DTNA: variants seen among roughly 807,000 people sequenced by gnomAD.
The protein encoded by DTNA is dystrobrevin alpha, also known as dystrophin-related protein 3.
A neutral mutation model predicts 100.7 loss-of-function variants in DTNA; 43 were observed. The ratio of observed to expected loss-of-function variants is 0.43; its 90% CI spans 0.33 to 0.55. DTNA has a LOEUF of 0.55. DTNA is among the 20% of genes least tolerant of loss of function. The pLI, the probability that DTNA is intolerant of heterozygous loss-of-function variation, is 0.04. For missense variants in DTNA, 798 were observed against 953.9 expected, an observed-to-expected ratio of 0.84 and a Z score of 2.15; for synonymous variants, 349 against 347.9, an observed-to-expected ratio of 1.00 and a Z score of -0.04.
At position 34,794,510 on chromosome 18, in the gene DTNA, T is replaced by C. The variant is rs34669760; in HGVS notation, c.362+260T>C. ...TATGTGCTGACCTTTAGTTATCTCA[T>C]CCCATGCTTCCTGGAAGCTGTGGAT... On this transcript the variant is annotated intron_variant, in intron 4 of 22. Transcript: ENST00000444659. Among the ~76,000 whole-genome samples the C allele has an allele frequency of 9.0e-3, 1,376 of 152,308 alleles. 11 individuals are homozygous for C. Among genetic ancestry groups the C allele is most frequent in the Non-Finnish European group, 0.015 (987 of 68,018 alleles).
At chr18:34,686,702 C>G (rs538471093) in intron 1 of DTNA, among the ~76,000 whole-genome samples, 2 of 152,142 alleles carry the variant, frequency 1.3e-5, no homozygotes, top group Admixed American at 6.5e-5. Context: ...GGAATTGTTT[C>G]AGAAGGAATG....
At chr18:34,670,802 C>T (rs1010153626) in intron 1 of DTNA, among the ~76,000 whole-genome samples, 5 of 152,174 alleles carry the variant, frequency 3.3e-5, no homozygotes, top group Admixed American at 1.3e-4. Context: ...CAGAGGGGTA[C>T]TCAGCCGTGT....
chr18:34,642,993 A>G (rs983522708), intron 1 of DTNA, among the ~76,000 whole-genome samples: 3 of 152,242 alleles, frequency 2.0e-5, no homozygotes, highest in Admixed American at 2.0e-4. Flanking sequence ...AATTCATGTG[A>G]GTAACTAGCA....
chr18:34,629,337 C>T (rs1259744178), intron 1 of DTNA, among the ~76,000 whole-genome samples: 5 of 152,204 alleles, frequency 3.3e-5, no homozygotes, highest in East Asian at 1.9e-4. Context: ...TCTGCCCTGA[C>T]GGAGTTTCCA....
intron 1 of DTNA, among the ~76,000 whole-genome samples, chr18:34,677,233 A>C (rs886866113): frequency 1.3e-5 from 2 of 152,202 alleles, no homozygotes; most frequent in Admixed American, 6.5e-5. Context: ...TTTATTAGTC[A>C]TAGATCCTGG....
chr18:34,802,070 G>T (rs902546848), intron 4 of DTNA, among the ~76,000 whole-genome samples: 1 of 152,202 alleles, frequency 6.6e-6, no homozygotes, highest in Non-Finnish European at 1.5e-5. Context: ...ATGGCAGTCA[G>T]AATTGCACAT....
intron 1 of DTNA, among the ~76,000 whole-genome samples, chr18:34,658,695 T>C (rs1036617121): frequency 6.6e-6 from 1 of 152,186 alleles, no homozygotes; most frequent in African/African-American, 2.4e-5. Context: ...GCCCAATATG[T>C]TATAATACTG....
chr18:34,876,687 C>G (rs1487521977), intron 18 of DTNA, among the ~76,000 whole-genome samples: 1 of 152,116 alleles, frequency 6.6e-6, no homozygotes, highest in Non-Finnish European at 1.5e-5. Flanking sequence ...GTGATAAAAT[C>G]TTAACACACT....
chr18:34,744,896 A>G (rs2091318494), intron 1 of DTNA, among the ~76,000 whole-genome samples: 1 of 152,094 alleles, frequency 6.6e-6, no homozygotes, highest in Non-Finnish European at 1.5e-5. Context: ...GGTTCTCATT[A>G]AGAAGCTCAG....
intron 1 of DTNA, among the ~76,000 whole-genome samples, chr18:34,750,682 A>G (rs2092229418): frequency 1.3e-5 from 2 of 152,208 alleles, no homozygotes; most frequent in African/African-American, 4.8e-5. Context: ...GGAATGTAAT[A>G]TCTTTTTGAC....
chr18:34,733,017 C>T (rs979011565), intron 1 of DTNA, among the ~76,000 whole-genome samples: 2 of 152,164 alleles, frequency 1.3e-5, no homozygotes, highest in East Asian at 1.9e-4. Flanking sequence ...ACCACAGTGA[C>T]GTTTTGGGTC....
In DTNA at chr18:34,885,121, G is replaced by A. The variant is rs530006195; in HGVS notation, c.*31+345G>A. 5.5e-4 allele frequency among the ~76,000 whole-genome samples: 84 copies of A among 152,250 alleles called. No individual in the cohort carries two copies. In the South Asian group the frequency reaches 9.1e-3, roughly 17 times the overall value. ...CATGACAATATCGGAGTTTGTAGCC[G>A]CTCTAGCACTTGAAAAGGAAAAGTC... On this transcript the variant is annotated intron_variant, in intron 22 of 22. Coordinates refer to ENST00000444659, the MANE Select transcript of DTNA (RefSeq NM_001386795.1).
chr18:34,838,176 G>T lies in DTNA; in HGVS notation c.1253+5G>T. On this transcript the variant is annotated splice_donor_5th_base_variant and intron_variant, in intron 12 of 22. Transcript: ENST00000444659. ...AGCTTTTCTGAAGGGCAAAGGGTAAGTTACAGCCAGAGTGTACTGGAACCC... is the reference window on the plus strand; with the variant it reads ...AGCTTTTCTGAAGGGCAAAGGGTAATTTACAGCCAGAGTGTACTGGAACCC... 6.2e-7 allele frequency: 1 copy of T among 1,613,744 alleles called. No individual in the cohort carries two copies. Among genetic ancestry groups the T allele is most frequent in the Middle Eastern group, 1.7e-4 (1 of 6,054 alleles).
At chr18:34,787,759 G>A (rs1054781066) in intron 3 of DTNA, among the ~76,000 whole-genome samples, 6 of 152,172 alleles carry the variant, frequency 3.9e-5, no homozygotes, top group East Asian at 3.9e-4. Flanking sequence ...CCCAACACCC[G>A]AACCTAGCCC....
chr18:34,869,583 A>T (rs2096743079), intron 17 of DTNA, among the ~76,000 whole-genome samples: 1 of 152,256 alleles, frequency 6.6e-6, no homozygotes. Flanking sequence ...TAGGTATATT[A>T]AACAGCTAAT....
intron 1 of DTNA, among the ~76,000 whole-genome samples, chr18:34,606,227 C>A (rs1015780803): frequency 3.3e-5 from 5 of 152,070 alleles, no homozygotes; most frequent in African/African-American, 9.7e-5. Context: ...CTTTAGAAAT[C>A]TACTTGATAT....
At chr18:34,561,851 A>T (rs2046665980) in intron 1 of DTNA, among the ~76,000 whole-genome samples, 1 of 152,116 alleles carries the variant, frequency 6.6e-6, no homozygotes, top group Admixed American at 6.5e-5. Flanking sequence ...ATTTTTATTG[A>T]TTTAGTAATA....
chr18:34,669,832 T>A (rs540262945), intron 1 of DTNA, among the ~76,000 whole-genome samples: 54 of 152,314 alleles, frequency 3.5e-4, no homozygotes, highest in African/African-American at 1.3e-3. Flanking sequence ...GTGGGTAACC[T>A]GACCTTTCTC....
chr18:34,553,919 T>G (rs910427498), intron 1 of DTNA, among the ~76,000 whole-genome samples: 14 of 151,138 alleles, frequency 9.3e-5, no homozygotes, highest in African/African-American at 3.2e-4. Context: ...GTGAAGAAAG[T>G]CATTGGTAGC....
Sources: allele counts gnomAD v4.1 joint callset (sites outside exome capture counted in the v4.1 genomes callset), GRCh38; gene constraint gnomAD v4.1.1; transcripts MANE v1.5; gene names NCBI Gene and HGNC (gene_info 2026-07-23, HGNC 2026-07-21).